Variants in GAS7 observed in about 807,000 individuals in gnomAD.
The protein encoded by GAS7 is growth arrest-specific protein 7.
Under a neutral mutation model 71.1 loss-of-function variants are expected in GAS7, and 28 were observed. The ratio of observed to expected loss-of-function variants is 0.39; its 90% confidence interval spans 0.29 to 0.54. GAS7 has a LOEUF of 0.54. GAS7 is among the 20% of genes least tolerant of loss of function. The pLI, the probability that GAS7 is intolerant of heterozygous loss-of-function variation, is 0.62. For synonymous variants in GAS7, 258 were observed against 245.8 expected, an observed-to-expected ratio of 1.05 and a Z score of -0.46; for missense variants, 436 against 627.8, an observed-to-expected ratio of 0.69 and a Z score of 3.27.
intron 1 of GAS7, among the ~76,000 whole-genome samples, chr17:10,087,358 T>C (rs987090555): frequency 2.6e-5 from 4 of 152,210 alleles, no homozygotes; most frequent in African/African-American, 7.2e-5. Context: ...GTAGCTCTTA[T>C]CATCAAAGGC....
chr17:10,152,453 G>C (rs16959386), intron 1 of GAS7, among the ~76,000 whole-genome samples: 1 of 152,120 alleles, frequency 6.6e-6, no homozygotes, highest in African/African-American at 2.4e-5. Context: ...TTGACTGTGC[G>C]TGCATTAGCT....
intron 2 of GAS7, among the ~76,000 whole-genome samples, chr17:9,987,140 G>T (rs942226307): frequency 6.6e-6 from 1 of 152,216 alleles, no homozygotes; most frequent in African/African-American, 2.4e-5. Context: ...TGCATTCTCT[G>T]GACGTCCATC....
chr17:10,147,580 A>T (rs1393797124), intron 1 of GAS7, among the ~76,000 whole-genome samples: 1 of 152,244 alleles, frequency 6.6e-6, no homozygotes, highest in Non-Finnish European at 1.5e-5. Context: ...CTTACAGCTC[A>T]AAAGTAAGGC....
intron 2 of GAS7, among the ~76,000 whole-genome samples, chr17:10,005,310 TACAC>T (rs1235150376): frequency 2.0e-5 from 3 of 149,016 alleles, no homozygotes; most frequent in Non-Finnish European, 4.4e-5. Flanking sequence ...TACACATATA[TACAC>T]ACACATATAT....
chr17:10,086,604 G>C (rs138542746), intron 1 of GAS7, among the ~76,000 whole-genome samples: 68 of 152,324 alleles, frequency 4.5e-4, no homozygotes, highest in Non-Finnish European at 7.5e-4. Context: ...AATTGGGGTT[G>C]TACAAGCTGT....
intron 1 of GAS7, among the ~76,000 whole-genome samples, chr17:10,045,382 A>G (rs1333481297): frequency 6.6e-6 from 1 of 152,060 alleles, no homozygotes; most frequent in African/African-American, 2.4e-5. Context: ...TAAAATTTCT[A>G]TGTGTCCCAC....
intron 2 of GAS7, among the ~76,000 whole-genome samples, chr17:9,996,593 A>G (rs1288484115): frequency 1.3e-4 from 19 of 146,800 alleles, no homozygotes; most frequent in Admixed American, 3.4e-4. Flanking sequence ...CTATATATAT[A>G]TGTGTGTGTG....
chr17:10,162,337 G>A (rs533615394), intron 1 of GAS7, among the ~76,000 whole-genome samples: 1 of 152,274 alleles, frequency 6.6e-6, no homozygotes, highest in Admixed American at 6.5e-5. Flanking sequence ...TCTCTCTCTA[G>A]GAGGGAGCTG....
At chr17:10,006,318 T>C (rs972094036) in intron 2 of GAS7, among the ~76,000 whole-genome samples, 1 of 68,050 alleles carries the variant, frequency 1.5e-5, no homozygotes, top group Admixed American at 1.2e-4. Context: ...CCCAGATTCT[T>C]TTTTTTTTTT....
intron 1 of GAS7, chr17:10,036,847 T>C: frequency 2.0e-6 from 1 of 512,152 alleles, no homozygotes; most frequent in Non-Finnish European, 2.7e-6. Flanking sequence ...CTTGTGTCAC[T>C]GAGCAGATGC....
intron 6 of GAS7, among the ~76,000 whole-genome samples, chr17:9,945,352 C>T (rs1202361704): frequency 6.6e-6 from 1 of 151,894 alleles, no homozygotes; most frequent in Non-Finnish European, 1.5e-5. Flanking sequence ...TAACACCCTC[C>T]TTCCACAAGC....
chr17:10,173,486 C>A (rs968528684), intron 1 of GAS7, among the ~76,000 whole-genome samples: 12 of 152,094 alleles, frequency 7.9e-5, no homozygotes, highest in African/African-American at 2.9e-4. Context: ...GACCCTCTCT[C>A]GGCCAGGCGC....
At chr17:10,113,934 A>G (rs1030265196) in intron 1 of GAS7, among the ~76,000 whole-genome samples, 2 of 152,164 alleles carry the variant, frequency 1.3e-5, no homozygotes, top group Admixed American at 1.3e-4. Flanking sequence ...TTGTTTCTCA[A>G]GATAGGGTCT....
intron 1 of GAS7, among the ~76,000 whole-genome samples, chr17:10,125,204 T>C (rs1304194239): frequency 6.6e-6 from 1 of 151,984 alleles, no homozygotes; most frequent in African/African-American, 2.4e-5. Flanking sequence ...AAATATATTC[T>C]GAGAATATTA....
At chr17:10,132,952 C>T (rs74803333) in intron 1 of GAS7, among the ~76,000 whole-genome samples, 2,482 of 151,978 alleles carry the variant, frequency 0.016, 68 homozygotes, top group African/African-American at 0.057. Context: ...CACCGAAAGA[C>T]TTTAAATTCC....
At chr17:10,051,554 C>T (rs1288246512) in intron 1 of GAS7, among the ~76,000 whole-genome samples, 1 of 152,198 alleles carries the variant, frequency 6.6e-6, no homozygotes, top group Non-Finnish European at 1.5e-5. Context: ...AAAGAGAAAG[C>T]TGAAGGAGAC....
chr17:10,010,937 G>T (rs1053666664), intron 2 of GAS7, among the ~76,000 whole-genome samples: 1 of 152,192 alleles, frequency 6.6e-6, no homozygotes, highest in African/African-American at 2.4e-5. Context: ...AAAGGGCATG[G>T]CTGTGTTCCA....
intron 1 of GAS7, among the ~76,000 whole-genome samples, chr17:10,167,913 G>A (rs2074307993): frequency 6.6e-6 from 1 of 151,992 alleles, no homozygotes; most frequent in Non-Finnish European, 1.5e-5. Context: ...TGCGCAGGCT[G>A]GTCTTGAACT....
chr17:10,088,823 A>G (rs1362983012), intron 1 of GAS7, among the ~76,000 whole-genome samples: 2 of 152,076 alleles, frequency 1.3e-5, no homozygotes, highest in African/African-American at 2.4e-5. Context: ...AGGGGGGTTC[A>G]AGCTGAACCA....
Sources: gnomAD v4.1 joint callset for allele counts (sites outside exome capture counted in the v4.1 genomes callset) on GRCh38, gnomAD v4.1.1 for gene constraint, MANE v1.5 for transcripts, NCBI Gene and HGNC (gene_info 2026-07-23, HGNC 2026-07-21) for gene names.